The following B3GALT1 variants were observed in gnomAD, a reference collection of about 807,000 sequenced individuals.
B3GALT1 encodes beta-1,3-galactosyltransferase 1.
B3GALT1 carries 10 observed loss-of-function variants against 23.2 expected under a neutral mutation model. The observed-to-expected ratio is 0.43, with a 90% CI of 0.27 to 0.73. B3GALT1 has a LOEUF of 0.73. Among genes scored for constraint, B3GALT1 ranks in the 30% least tolerant of loss-of-function variants. B3GALT1 has a pLI of 0.21. For missense variants in B3GALT1, 299 were observed against 405.4 expected (o/e 0.74, Z 2.25); for synonymous variants, 156 against 141.5 (o/e 1.10, Z -0.73).
chr2:167,424,168 G>A (rs1423645023), intron 1 of B3GALT1, among the ~76,000 whole-genome samples: 1 of 152,084 alleles, frequency 6.6e-6, no homozygotes, highest in Non-Finnish European at 1.5e-5. Flanking sequence ...CATTCCAGTA[G>A]TACACATGCC....
chr2:167,610,572 G>A (rs536231701), intron 2 of B3GALT1, among the ~76,000 whole-genome samples: 1 of 152,098 alleles, frequency 6.6e-6, no homozygotes, highest in African/African-American at 2.4e-5. Context: ...AGCAGGCCGT[G>A]ATTAAATATT....
chr2:167,432,029 T>C (rs1020824141), intron 1 of B3GALT1, among the ~76,000 whole-genome samples: 5 of 152,192 alleles, frequency 3.3e-5, no homozygotes, highest in African/African-American at 7.2e-5. Context: ...GATAGTCCTA[T>C]AGGAGTATGC....
At chr2:167,599,973 G>C (rs115122808) in intron 2 of B3GALT1, among the ~76,000 whole-genome samples, 1 of 152,162 alleles carries the variant, frequency 6.6e-6, no homozygotes. Flanking sequence ...ATTTTTATCT[G>C]TACTAGAGTA....
chr2:167,313,628 C>T (rs890258732), intron 1 of B3GALT1, among the ~76,000 whole-genome samples: 2 of 152,062 alleles, frequency 1.3e-5, no homozygotes, highest in Non-Finnish European at 2.9e-5. Flanking sequence ...GAAAGAAAAA[C>T]CAGTTCTCAG....
At chr2:167,373,885 G>A (rs544950671) in intron 1 of B3GALT1, among the ~76,000 whole-genome samples, 1 of 152,012 alleles carries the variant, frequency 6.6e-6, no homozygotes, top group Non-Finnish European at 1.5e-5. Flanking sequence ...AGATTCAGGG[G>A]GTACATGTGT....
At chr2:167,594,912 AAAAG>A (rs1333294879) in intron 2 of B3GALT1, among the ~76,000 whole-genome samples, 2 of 152,158 alleles carry the variant, frequency 1.3e-5, no homozygotes, top group African/African-American at 2.4e-5. Context: ...TCTCAAAAAA[AAAAG>A]AAAAGAAACA....
intron 2 of B3GALT1, among the ~76,000 whole-genome samples, chr2:167,545,021 G>GTTTT (rs1558899469): frequency 3.2e-4 from 25 of 78,172 alleles, no homozygotes; most frequent in South Asian, 1.1e-3. Flanking sequence ...TGGCTTGGGT[G>GTTTT]TCTTTTTTTT....
chr2:167,466,653 A>G (rs909723184), intron 1 of B3GALT1, among the ~76,000 whole-genome samples: 2 of 150,654 alleles, frequency 1.3e-5, no homozygotes, highest in African/African-American at 2.4e-5. Context: ...TCTTGAAAAT[A>G]AAAGCTGTTA....
chr2:167,855,357 A>G (rs1029272162), intron 4 of B3GALT1, among the ~76,000 whole-genome samples: 1 of 152,186 alleles, frequency 6.6e-6, no homozygotes, highest in Non-Finnish European at 1.5e-5. Context: ...CTCATTAGCT[A>G]TGTAAAGCTG....
At chr2:167,604,965 C>G (rs1317352973) in intron 2 of B3GALT1, among the ~76,000 whole-genome samples, 1 of 152,214 alleles carries the variant, frequency 6.6e-6, no homozygotes, top group Non-Finnish European at 1.5e-5. Context: ...CATTTAAGAA[C>G]TCACAAGAGG....
At chr2:167,581,514 C>T (rs1684482890) in intron 2 of B3GALT1, among the ~76,000 whole-genome samples, 1 of 152,150 alleles carries the variant, frequency 6.6e-6, no homozygotes, top group South Asian at 2.1e-4. Flanking sequence ...TGCTGGGTTG[C>T]CTGTTGCTTT....
intron 3 of B3GALT1, among the ~76,000 whole-genome samples, chr2:167,811,077 C>A (rs573676974): frequency 6.6e-6 from 1 of 152,160 alleles, no homozygotes; most frequent in East Asian, 1.9e-4. Flanking sequence ...GATTCTAGAT[C>A]AAAAAACCTG....
Position 167,788,435 on chromosome 2 carries a change from G to A in B3GALT1, c.-351-30237G>A, listed in dbSNP as rs147436098. Among the ~76,000 whole-genome samples, 378 of 152,076 alleles carry A rather than the reference G, an allele frequency of 2.5e-3. 3 individuals carry two copies. The highest frequency in any genetic ancestry group is 8.2e-3 in the African/African-American group (340 of 41,474). On this transcript the variant is annotated intron_variant, in intron 3 of 4. Transcript: ENST00000392690. Reference sequence around the variant, plus strand: ...TGAGCTTGTTTTTCTGCAACTAGACGGTCCCATCTGGGGGTGATGGGAGAC... The same window carrying A: ...TGAGCTTGTTTTTCTGCAACTAGACAGTCCCATCTGGGGGTGATGGGAGAC...
intron 3 of B3GALT1, among the ~76,000 whole-genome samples, chr2:167,772,959 C>A (rs1688097144): frequency 6.6e-6 from 1 of 152,146 alleles, no homozygotes; most frequent in African/African-American, 2.4e-5. Context: ...CCTCTAATAA[C>A]ACTTTCATCA....
At chr2:167,512,555 T>TATAC (rs1491248412) in intron 2 of B3GALT1, among the ~76,000 whole-genome samples, 2 of 90,734 alleles carry the variant, frequency 2.2e-5, no homozygotes, top group Non-Finnish European at 3.8e-5. Flanking sequence ...TGTATATATA[T>TATAC]GTATATATAT....
In B3GALT1 at chr2:167,491,134, T is replaced by C. The variant is rs556050442; in HGVS notation, c.-410+857T>C. Reference sequence around the variant, plus strand: ...TGTGTACTTTTAGGCCTCACTTCAATATTTGGACTAGGCCGGGTAACTCCT... The same window carrying C: ...TGTGTACTTTTAGGCCTCACTTCAACATTTGGACTAGGCCGGGTAACTCCT... On this transcript the variant is annotated intron_variant, in intron 2 of 4. Coordinates refer to ENST00000392690, the MANE Select transcript of B3GALT1 (RefSeq NM_020981.4). Among the ~76,000 whole-genome samples the C allele has an allele frequency of 4.6e-5, 7 of 152,278 alleles. No homozygotes were observed. In the South Asian group the frequency reaches 1.5e-3, roughly 32 times the overall value.
intron 2 of B3GALT1, among the ~76,000 whole-genome samples, chr2:167,559,241 C>T (rs1320949774): frequency 6.6e-6 from 1 of 152,188 alleles, no homozygotes. Flanking sequence ...AGACCTGCAG[C>T]TGAGGGTCCT....
intron 1 of B3GALT1, among the ~76,000 whole-genome samples, chr2:167,468,645 G>A (rs576157686): frequency 8.5e-5 from 13 of 152,274 alleles, no homozygotes; most frequent in South Asian, 6.2e-4. Context: ...GCTGAGGAGG[G>A]CAGATCACCT....
At chr2:167,564,955 C>G (rs1684126786) in intron 2 of B3GALT1, among the ~76,000 whole-genome samples, 1 of 152,130 alleles carries the variant, frequency 6.6e-6, no homozygotes, top group Non-Finnish European at 1.5e-5. Context: ...AGATTCCATG[C>G]CATCCCTATC....
Sources: allele counts gnomAD v4.1 joint callset (sites outside exome capture counted in the v4.1 genomes callset), GRCh38; gene constraint gnomAD v4.1.1; transcripts MANE v1.5; gene names NCBI Gene and HGNC (gene_info 2026-07-23, HGNC 2026-07-21).